PCDHA12: variants seen among roughly 807,000 people sequenced by gnomAD.
PCDHA12 encodes protocadherin alpha 12, also known as protocadherin alpha-12.
Under a neutral mutation model 60.0 loss-of-function variants are expected in PCDHA12, and 44 were observed. That is an observed-to-expected ratio of 0.73 (90% CI 0.58 to 0.94). The LOEUF (loss-of-function observed/expected upper bound fraction) is 0.94. Among genes scored for constraint, PCDHA12 ranks in the 40% least tolerant of loss-of-function variants. The probability of loss-of-function intolerance (pLI) is 0.00; values close to 1 mark genes in which losing one functional copy is unlikely to be tolerated. For missense variants in PCDHA12, 1,276 were observed against 1,239.7 expected, an observed-to-expected ratio of 1.03 and a Z score of -0.44; for synonymous variants, 569 against 553.0, an observed-to-expected ratio of 1.03 and a Z score of -0.40.
At chr5:140,978,424 TCA>T (rs2096801674) in intron 1 of PCDHA12, among the ~76,000 whole-genome samples, 1 of 152,238 alleles carries the variant, frequency 6.6e-6, no homozygotes, top group Non-Finnish European at 1.5e-5. Flanking sequence ...GAGACTGTTA[TCA>T]GTTGCTGGTG....
At chr5:140,989,363 T>A (rs2097339689) in intron 3 of PCDHA12, among the ~76,000 whole-genome samples, 1 of 152,158 alleles carries the variant, frequency 6.6e-6, no homozygotes, top group Non-Finnish European at 1.5e-5. Flanking sequence ...GTCACCTGTG[T>A]GACTGAGAGC....
In PCDHA12 at chr5:140,967,909, C is replaced by T. The variant is rs140881563; in HGVS notation, c.2368-11040C>T. The T allele has an allele frequency of 5.0e-5, 81 of 1,614,206 alleles. No individual in the cohort carries two copies. In the African/African-American group the frequency reaches 9.1e-4, roughly 18 times the overall value. ...CAGTGCCTGAGAATGCTACACCCAACACCATTGTGGCCGTTCTCAGTGTCA... is the reference window on the plus strand; with the variant it reads ...CAGTGCCTGAGAATGCTACACCCAATACCATTGTGGCCGTTCTCAGTGTCA... On this transcript the variant is annotated intron_variant, in intron 1 of 3. Coordinates refer to ENST00000398631, the MANE Select transcript of PCDHA12 (RefSeq NM_018903.4).
intron 1 of PCDHA12, among the ~76,000 whole-genome samples, chr5:140,888,289 C>T (rs543077496): frequency 1.3e-5 from 2 of 152,246 alleles, no homozygotes; most frequent in Admixed American, 1.3e-4. Flanking sequence ...CCTCTACCCC[C>T]TACCCAGGAG....
chr5:140,966,793 G>A lies in PCDHA12; in HGVS notation c.2368-12156G>A, dbSNP rs1456903567. 4.6e-6 allele frequency: 7 copies of A among 1,532,300 alleles called. No homozygotes were observed. The Admixed American group carries it at 5.8e-5, about 13-fold the overall frequency. The allele number at this position is 1,532,300 out of a possible 1,614,324, so 94.9% of individuals were successfully genotyped here. A position where few individuals can be genotyped will look rare whatever the true frequency, so the allele number is the denominator to read the frequency against. ...TGGAGCAGGCGGGCACCAGACCTGC[G>A]GCGACAGAGCATCCACGGCTCCGGC... On this transcript the variant is annotated intron_variant, in intron 1 of 3. Transcript: ENST00000398631.
rs199571672 is a variant in PCDHA12 at position 140,994,794 on chromosome 5, T to C, written c.2515+12231T>C. On this transcript the variant is annotated intron_variant, in intron 3 of 3. Transcript: ENST00000398631. The stretch of plus-strand genomic sequence containing the variant: ...CCAGGCAAAGGAAACAATGCGTGCA[T>C]GCAAAAACAAAATACAAAAAACTGA... Among the ~76,000 whole-genome samples the C allele has an allele frequency of 7.2e-5, 11 of 152,270 alleles. No individual in the cohort carries two copies. The East Asian group carries it at 2.1e-3, about 29-fold the overall frequency.
chr5:140,906,878 C>T (rs557095374), intron 1 of PCDHA12, among the ~76,000 whole-genome samples: 1 of 152,332 alleles, frequency 6.6e-6, no homozygotes, highest in East Asian at 1.9e-4. Context: ...AACACTGTAA[C>T]TTCCTTCTTA....
chr5:140,902,783 G>A (rs1013396334), intron 1 of PCDHA12, among the ~76,000 whole-genome samples: 19 of 151,054 alleles, frequency 1.3e-4, no homozygotes, highest in Admixed American at 9.2e-4. Flanking sequence ...TCATAGCTTA[G>A]CTCTCACTTG....
chr5:140,883,954 T>A (rs2059908896), intron 1 of PCDHA12: 1 of 1,612,680 alleles, frequency 6.2e-7, no homozygotes, highest in Non-Finnish European at 8.5e-7. Flanking sequence ...ACGACAACGC[T>A]CCGGCGCTGC....
At chr5:140,966,448 C>T (rs1198594007) in intron 1 of PCDHA12, 2 of 425,466 alleles carry the variant, frequency 4.7e-6, no homozygotes, top group Non-Finnish European at 8.2e-6. Context: ...TCCCTTTCCC[C>T]CTCCCCCTCT....
intron 1 of PCDHA12, among the ~76,000 whole-genome samples, chr5:140,896,506 A>G (rs1231827987): frequency 2.7e-5 from 4 of 150,856 alleles, no homozygotes; most frequent in African/African-American, 9.7e-5. Flanking sequence ...GGGACTGTGC[A>G]GGCACACACC....
intron 2 of PCDHA12, among the ~76,000 whole-genome samples, chr5:140,979,327 C>T (rs1446940311): frequency 5.9e-5 from 9 of 152,078 alleles, no homozygotes; most frequent in African/African-American, 2.2e-4. Context: ...CTTTCTTTTC[C>T]TCCTTTAAAA....
At chr5:140,918,846 C>T (rs1261805257) in intron 1 of PCDHA12, among the ~76,000 whole-genome samples, 1 of 152,140 alleles carries the variant, frequency 6.6e-6, no homozygotes, top group African/African-American at 2.4e-5. Flanking sequence ...ACTAAATCTG[C>T]TGGTGCCTGA....
Position 140,877,772 on chromosome 5 carries a change from C to T in PCDHA12, c.2300C>T (p.Thr767Met), listed in dbSNP as rs372461540. ...RVCSAESPPKTDLMAFSPSLQ... is the reference protein window; with the variant it reads ...RVCSAESPPKMDLMAFSPSLQ... ...TGCTCTGCAGAGAGCCCGCCCAAGA[C>T]GGACCTCATGGCCTTCAGCCCAAGC... The change falls in exon 1 of 4, where the codon ACG becomes ATG. Residue 767 changes from threonine to methionine, a missense_variant. By Grantham distance (81) the Thr-to-Met change is moderately conservative (BLOSUM62 -1). Transcript: ENST00000398631. The T allele has an allele frequency of 9.3e-6, 15 of 1,614,150 alleles. No individual in the cohort carries two copies. Among genetic ancestry groups the T allele is most frequent in the Non-Finnish European group, 1.2e-5 (14 of 1,180,020 alleles).
intron 1 of PCDHA12, among the ~76,000 whole-genome samples, chr5:140,961,479 C>A (rs2095615905): frequency 6.6e-6 from 1 of 152,108 alleles, no homozygotes; most frequent in Admixed American, 6.6e-5. Context: ...TTTGTCTTGT[C>A]CACGTGAGTA....
At chr5:140,969,346 AG>A (rs2096322383) in intron 1 of PCDHA12, 1 of 1,613,510 alleles carries the variant, frequency 6.2e-7, no homozygotes, top group African/African-American at 1.3e-5. Flanking sequence ...GACAGTGGTC[AG>A]GGGGTCTTCT....
At chr5:140,929,545 A>T in intron 1 of PCDHA12, 1 of 514,856 alleles carries the variant, frequency 1.9e-6, no homozygotes, top group Non-Finnish European at 3.2e-6. Context: ...ACAAGGGCAA[A>T]AATTAAAACC....
intron 1 of PCDHA12, chr5:140,928,268 G>A: frequency 6.2e-7 from 1 of 1,614,164 alleles, no homozygotes; most frequent in Non-Finnish European, 8.5e-7. Context: ...GAAAACAATG[G>A]CCCTGGGGCC....
chr5:140,959,408 A>C (rs1554224058), intron 1 of PCDHA12, among the ~76,000 whole-genome samples: 2 of 152,124 alleles, frequency 1.3e-5, no homozygotes, highest in Non-Finnish European at 1.5e-5. Context: ...TAAAGTGTTG[A>C]TTGATCTGAG....
chr5:140,957,513 T>C (rs76093065), intron 1 of PCDHA12, among the ~76,000 whole-genome samples: 3,563 of 152,232 alleles, frequency 0.023, 49 homozygotes, highest in Middle Eastern at 0.034. Flanking sequence ...TTATCCTTGG[T>C]TTCAGACATT....
Sources: gnomAD v4.1 joint callset for allele counts (sites outside exome capture counted in the v4.1 genomes callset) on GRCh38, gnomAD v4.1.1 for gene constraint, MANE v1.5 for transcripts, NCBI Gene and HGNC (gene_info 2026-07-23, HGNC 2026-07-21) for gene names.